The following SLC36A3 variants were observed in gnomAD, a reference collection of about 807,000 sequenced individuals.
SLC36A3 encodes proton-coupled amino acid transporter 3.
Under a neutral mutation model 44.3 loss-of-function variants are expected in SLC36A3, and 35 were observed. The observed-to-expected ratio is 0.79, with a 90% CI of 0.60 to 1.05. SLC36A3 has a LOEUF of 1.05. Among genes scored for constraint, SLC36A3 ranks in the 50% least tolerant of loss-of-function variants. The probability of loss-of-function intolerance (pLI) is 0.00; values close to 1 mark genes in which losing one functional copy is unlikely to be tolerated. For synonymous variants in SLC36A3, 211 were observed against 227.6 expected (o/e 0.93, Z 0.66); for missense variants, 540 against 578.7 (o/e 0.93, Z 0.69).
intron 1 of SLC36A3, among the ~76,000 whole-genome samples, chr5:151,299,891 C>G (rs977568083): frequency 6.6e-6 from 1 of 152,130 alleles, no homozygotes; most frequent in Non-Finnish European, 1.5e-5. Flanking sequence ...GCATCATCAT[C>G]GTCATATCAT....
At chr5:151,299,102 GTTAT>G (rs1425822145) in intron 1 of SLC36A3, among the ~76,000 whole-genome samples, 3 of 151,552 alleles carry the variant, frequency 2.0e-5, no homozygotes, top group Non-Finnish European at 4.4e-5. Flanking sequence ...GAGACATCAG[GTTAT>G]TTATTAACTC....
intron 1 of SLC36A3, among the ~76,000 whole-genome samples, 182 bp downstream of exon 1, chr5:151,303,045 G>C (rs1266242135): frequency 6.6e-6 from 1 of 152,216 alleles, no homozygotes; most frequent in African/African-American, 2.4e-5. Context: ...CTGGGAAACA[G>C]GGCTAGTAGC....
chr5:151,291,563 C>T (rs1754758235), intron 4 of SLC36A3, among the ~76,000 whole-genome samples: 1 of 152,006 alleles, frequency 6.6e-6, no homozygotes, highest in East Asian at 1.9e-4. Context: ...TTATCTTGTT[C>T]CTCTATCCCC....
rs766344221 is a variant in SLC36A3 at position 151,303,448 on chromosome 5, C to A, written c.-94G>T. 1 of 1,367,164 alleles carries A rather than the reference C, an allele frequency of 7.3e-7. No individual in the cohort carries two copies. Among genetic ancestry groups the A allele is most frequent in the South Asian group, 1.5e-5 (1 of 68,722 alleles). 84.7% of individuals were successfully genotyped at this position (1,367,164 alleles called of 1,614,324 possible). A position where few individuals can be genotyped will look rare whatever the true frequency, so the allele number is the denominator to read the frequency against. Reference sequence around the variant, plus strand: ...CTCCAGAGAAACCATGGCTGCTGACCTGAGATGCTGGCTCCTAACCCCAAG... The same window carrying A: ...CTCCAGAGAAACCATGGCTGCTGACATGAGATGCTGGCTCCTAACCCCAAG... On this transcript the variant is annotated 5_prime_UTR_variant, in exon 1 of 10. In the 5' UTR this introduces an upstream ATG that the reference lacks. Transcript: ENST00000335230.
chr5:151,291,807 C>T (rs1381692698), intron 4 of SLC36A3, among the ~76,000 whole-genome samples: 1 of 152,176 alleles, frequency 6.6e-6, no homozygotes, highest in Non-Finnish European at 1.5e-5. Context: ...ATTCCTCTAA[C>T]AGCTTGAGCA....
chr5:151,290,342 T>C (rs1754710272), intron 4 of SLC36A3, among the ~76,000 whole-genome samples: 1 of 152,220 alleles, frequency 6.6e-6, no homozygotes, highest in South Asian at 2.1e-4. Flanking sequence ...ATCTTGGCAG[T>C]GTCACATGTG....
At chr5:151,298,355 T>A (rs1755031482) in intron 2 of SLC36A3, 3 of 471,326 alleles carry the variant, frequency 6.4e-6, no homozygotes, top group South Asian at 5.9e-5. Context: ...GCGGGGAGAA[T>A]TGTGGCAAAG....
At chr5:151,290,050 T>G (rs1351581425) in intron 4 of SLC36A3, among the ~76,000 whole-genome samples, 2 of 147,984 alleles carry the variant, frequency 1.4e-5, no homozygotes, top group Non-Finnish European at 3.0e-5. Flanking sequence ...GAGAGATATA[T>G]TGTTTTCTCC....
intron 4 of SLC36A3, chr5:151,289,094 T>C (rs909296473): frequency 5.2e-5 from 8 of 153,654 alleles, no homozygotes; most frequent in African/African-American, 1.9e-4. Context: ...ATTGTAGGTA[T>C]CCTAATACTT....
rs751503458 is a variant in SLC36A3 at position 151,283,981 on chromosome 5, G to T, written c.974+63C>A. The T allele has an allele frequency of 2.5e-5, 38 of 1,526,874 alleles. No individual in the cohort carries two copies. In the Admixed American group the frequency reaches 2.6e-4, roughly 10 times the overall value. The allele number at this position is 1,526,874 out of a possible 1,614,324, so 94.6% of individuals were successfully genotyped here. A position where few individuals can be genotyped will look rare whatever the true frequency, so the allele number is the denominator to read the frequency against. ...ATGGCTCAGCTTTGCTGTGCTCTCTGCTATGACAACCAGAACAGTTCCAGT... is the reference window on the plus strand; with the variant it reads ...ATGGCTCAGCTTTGCTGTGCTCTCTTCTATGACAACCAGAACAGTTCCAGT... On this transcript the variant is annotated intron_variant, in intron 8 of 9. Transcript: ENST00000335230.
rs1352273686 is a variant in SLC36A3, at chr5:151,284,093, A to G, written c.925T>C (p.Phe309Leu). 1 of 1,613,946 alleles carries G rather than the reference A, an allele frequency of 6.2e-7. No homozygotes were observed. The highest frequency in any genetic ancestry group is 1.3e-5 in the African/African-American group (1 of 74,908). ...ILLGTLGYMKFGSDTQASITL... is the reference protein window; with the variant it reads ...ILLGTLGYMKLGSDTQASITL... ...ATGCTGGCCTGGGTGTCTGACCCAA[A>G]CTTCATGTAGCCCAGTGTCCCCAGT... Residue 309 changes from phenylalanine to leucine, a missense_variant, in exon 8 of 10, where the codon TTT becomes CTT. Transcript: ENST00000335230.
chr5:151,279,660 C>T (rs960137151), intron 9 of SLC36A3, among the ~76,000 whole-genome samples: 5 of 152,214 alleles, frequency 3.3e-5, no homozygotes, highest in African/African-American at 1.2e-4. Context: ...ATACTATTTA[C>T]AGCTTCCTGA....
At chr5:151,279,439 C>G (rs537566929) in intron 9 of SLC36A3, among the ~76,000 whole-genome samples, 20 of 152,250 alleles carry the variant, frequency 1.3e-4, no homozygotes, top group African/African-American at 4.8e-4. Flanking sequence ...GTAGTAGGTG[C>G]TCAACAAATG....
chr5:151,284,288 A>G (rs1316312858), intron 7 of SLC36A3, 78 bp from the exon 8 acceptor site: 1 of 1,417,272 alleles, frequency 7.1e-7, no homozygotes, highest in Non-Finnish European at 9.6e-7. Context: ...GTTCCCGTAC[A>G]AGCACAAATG....
intron 3 of SLC36A3, 46 bp from the exon 4 acceptor site, chr5:151,293,505 A>T (rs1252871485): frequency 6.7e-7 from 1 of 1,503,044 alleles, no homozygotes; most frequent in Non-Finnish European, 9.1e-7. Flanking sequence ...CATTTTTGTT[A>T]AAGGTACAGT....
chr5:151,277,087 G>C lies in SLC36A3; in HGVS notation c.*306C>G. The C allele has an allele frequency of 5.3e-6, 2 of 377,042 alleles. No homozygotes were observed. Among genetic ancestry groups the C allele is most frequent in the Non-Finnish European group, 9.6e-6 (2 of 207,504 alleles). 23.4% of individuals were successfully genotyped at this position (377,042 alleles called of 1,614,324 possible). A position where few individuals can be genotyped will look rare whatever the true frequency, so the allele number is the denominator to read the frequency against. ...ACAGTTACTTTTGTATTTATGCTTG[G>C]TCTCTGTTTCAAGGGCTATTGGGGT... On this transcript the variant is annotated 3_prime_UTR_variant, in exon 10 of 10. Transcript: ENST00000335230.
chr5:151,281,000 T>G lies in SLC36A3; in HGVS notation c.1144+14A>C. On this transcript the variant is annotated intron_variant, in intron 9 of 9. Transcript: ENST00000335230. ...CATAGCTTTGGGTAAAGAGTGCCCT[T>G]TTATGCTACTCACAGGTTAGACAGA... 4 of 1,613,900 alleles carry G rather than the reference T, an allele frequency of 2.5e-6. No homozygotes were observed. The highest frequency in any genetic ancestry group is 3.4e-6 in the Non-Finnish European group (4 of 1,179,906).
intron 8 of SLC36A3, 101 bp downstream of exon 8, chr5:151,283,943 G>T: frequency 1.4e-6 from 2 of 1,406,530 alleles, no homozygotes; most frequent in Non-Finnish European, 1.9e-6. Context: ...TCCAGTGATG[G>T]ATTACCAGCT....
intron 9 of SLC36A3, 51 bp downstream of exon 9, chr5:151,280,963 G>A (rs772612126): frequency 3.7e-5 from 60 of 1,606,608 alleles, no homozygotes; most frequent in Non-Finnish European, 4.3e-5. Flanking sequence ...GGGCGCCAGC[G>A]TGGCTCCCTG....
Sources: allele counts gnomAD v4.1 joint callset (sites outside exome capture counted in the v4.1 genomes callset), GRCh38; gene constraint gnomAD v4.1.1; transcripts MANE v1.5; gene names NCBI Gene and HGNC (gene_info 2026-07-23, HGNC 2026-07-21).